The following GRHL2 variants were observed in gnomAD, a reference collection of about 807,000 sequenced individuals.
GRHL2 encodes grainyhead-like protein 2 homolog.
A neutral mutation model predicts 83.8 loss-of-function variants in GRHL2; 21 were observed. The ratio of observed to expected loss-of-function variants is 0.25; its 90% CI spans 0.18 to 0.36. GRHL2 has a LOEUF of 0.36. Ranked by LOEUF, GRHL2 falls within the 10% of genes least tolerant of loss-of-function variation. GRHL2 has a pLI of 1.00. For synonymous variants in GRHL2, 280 were observed against 278.9 expected, an observed-to-expected ratio of 1.00 and a Z score of -0.04; for missense variants, 623 against 781.8, an observed-to-expected ratio of 0.80 and a Z score of 2.42.
Position 101,641,647 on chromosome 8 carries a change from G to A in GRHL2, c.1518-2484G>A, listed in dbSNP as rs199664703. Among the ~76,000 whole-genome samples the A allele has an allele frequency of 5.9e-5, 9 of 152,290 alleles. No homozygotes were observed. The East Asian group carries it at 1.7e-3, about 29-fold the overall frequency. On this transcript the variant is annotated intron_variant, in intron 12 of 15. Transcript: ENST00000646743. ...ATCCTACAAGGTAATGGCTGAATGT[G>A]CTGCCGGGCCTAGAATCATTCTACA...
intron 8 of GRHL2, among the ~76,000 whole-genome samples, chr8:101,604,019 C>CTAAAAAAA (rs1391152533): frequency 1.1e-5 from 1 of 91,800 alleles, no homozygotes; most frequent in African/African-American, 4.0e-5. Flanking sequence ...TTTTTTTTTG[C>CTAAAAAAA]AAAAAAAAAA....
At chr8:101,563,370 A>G (rs1012961945) in intron 4 of GRHL2, among the ~76,000 whole-genome samples, 1 of 151,464 alleles carries the variant, frequency 6.6e-6, no homozygotes, top group Non-Finnish European at 1.5e-5. Context: ...TTTTTTTTTA[A>G]TCTTTCAGGT....
the GRHL2 span, among the ~76,000 whole-genome samples, chr8:101,678,455 G>C: frequency 1.3e-5 from 2 of 152,166 alleles, no homozygotes; most frequent in Non-Finnish European, 1.5e-5. Context: ...CTCGCTGATT[G>C]CTAGCACAGC....
At position 101,662,449 on chromosome 8, in the gene GRHL2, G is replaced by A. The variant is rs79652630; in HGVS notation, c.1699-2005G>A. Among the ~76,000 whole-genome samples the A allele has an allele frequency of 3.8e-3, 580 of 152,300 alleles. 9 individuals are homozygous for A. The East Asian group carries it at 0.057, about 15-fold the overall frequency. Reference sequence around the variant, plus strand: ...GATAGATGGAAGGGTGGGAATCTGTGAGTCTCTGTAGAGTGAACTCTTCTT... The same window carrying A: ...GATAGATGGAAGGGTGGGAATCTGTAAGTCTCTGTAGAGTGAACTCTTCTT... On this transcript the variant is annotated intron_variant, in intron 14 of 15. Coordinates refer to ENST00000646743, the MANE Select transcript of GRHL2 (RefSeq NM_024915.4).
At chr8:101,586,793 C>T (rs977065627) in intron 7 of GRHL2, among the ~76,000 whole-genome samples, 1 of 152,146 alleles carries the variant, frequency 6.6e-6, no homozygotes, top group African/African-American at 2.4e-5. Context: ...CAGGCCTGTG[C>T]CTGGTTCACT....
At chr8:101,636,686 G>A in intron 11 of GRHL2, 1 of 574,580 alleles carries the variant, frequency 1.7e-6, no homozygotes, top group Non-Finnish European at 3.1e-6. Flanking sequence ...TAACCCCATG[G>A]AGATTATAAG....
At chr8:101,637,637 G>A (rs1261971909) in intron 12 of GRHL2, among the ~76,000 whole-genome samples, 1 of 152,176 alleles carries the variant, frequency 6.6e-6, no homozygotes, top group Non-Finnish European at 1.5e-5. Flanking sequence ...CGTAGATCAT[G>A]GTAATAGCTA....
intron 14 of GRHL2, among the ~76,000 whole-genome samples, chr8:101,653,398 T>C (rs1479865585): frequency 6.6e-6 from 1 of 152,156 alleles, no homozygotes; most frequent in Non-Finnish European, 1.5e-5. Flanking sequence ...CTGTCACTGG[T>C]TGAAAATGGC....
At chr8:101,520,308 C>A (rs1009145953) in intron 1 of GRHL2, among the ~76,000 whole-genome samples, 35 of 152,042 alleles carry the variant, frequency 2.3e-4, no homozygotes, top group Non-Finnish European at 1.5e-4. Flanking sequence ...AGACATAATA[C>A]CCACTTGCAC....
At chr8:101,604,820 T>C (rs1248862213) in intron 8 of GRHL2, among the ~76,000 whole-genome samples, 1 of 152,224 alleles carries the variant, frequency 6.6e-6, no homozygotes, top group Non-Finnish European at 1.5e-5. Flanking sequence ...ACTGGCCATC[T>C]CCGATCTTTA....
the GRHL2 span, among the ~76,000 whole-genome samples, chr8:101,680,607 A>G: frequency 3.3e-5 from 4 of 122,104 alleles, no homozygotes; most frequent in Non-Finnish European, 5.0e-5. Context: ...CTCCACCCCA[A>G]ATCAACAGAA....
intron 8 of GRHL2, among the ~76,000 whole-genome samples, chr8:101,612,516 G>GATACATACATACATAC (rs1176645578): frequency 1.6e-4 from 13 of 79,732 alleles, no homozygotes; most frequent in African/African-American, 3.7e-4. Flanking sequence ...TAGATAGATA[G>GATACATACATACATAC]ATAGATACAT....
intron 4 of GRHL2, among the ~76,000 whole-genome samples, chr8:101,570,129 G>T (rs1586105229): frequency 6.6e-6 from 1 of 152,344 alleles, no homozygotes; most frequent in East Asian, 1.9e-4. Context: ...AACATACAAA[G>T]CACAAATGTA....
Position 101,619,726 on chromosome 8 carries a change from G to C in GRHL2, c.1257+29G>C, listed in dbSNP as rs1188439240. 3.2e-6 allele frequency: 5 copies of C among 1,567,188 alleles called. No individual in the cohort carries two copies. In the South Asian group the frequency reaches 5.6e-5, roughly 17 times the overall value. ...AGTAAAGATGACAGTTTTTTATAAA[G>C]GTATCTTTTTTATTAGATATTACTT... On this transcript the variant is annotated intron_variant, in intron 9 of 15. Transcript: ENST00000646743.
At chr8:101,496,683 G>A (rs1001980626) in intron 1 of GRHL2, among the ~76,000 whole-genome samples, 2 of 152,140 alleles carry the variant, frequency 1.3e-5, no homozygotes, top group African/African-American at 2.4e-5. Context: ...CCAGCTGGAG[G>A]GATTGAGAAT....
At position 101,667,012 on chromosome 8, in the gene GRHL2, T is replaced by C; in HGVS notation, c.*309T>C. On this transcript the variant is annotated 3_prime_UTR_variant, in exon 16 of 16. Coordinates refer to ENST00000646743, the MANE Select transcript of GRHL2 (RefSeq NM_024915.4). ...CCGCCAGGACTCTGCAGGTCACTGCTAGCTCCAGATGAGACCGTCCAGCGT... is the reference window on the plus strand; with the variant it reads ...CCGCCAGGACTCTGCAGGTCACTGCCAGCTCCAGATGAGACCGTCCAGCGT... 1 of 487,412 alleles carries C rather than the reference T, an allele frequency of 2.1e-6. No homozygotes were observed. Among genetic ancestry groups the C allele is most frequent in the South Asian group, 2.1e-5 (1 of 47,516 alleles). The allele number at this position is 487,412 out of a possible 1,614,324, so 30.2% of individuals were successfully genotyped here.
In GRHL2 at chr8:101,636,766, CTGT is replaced by C. The variant is rs1410456928; in HGVS notation, c.1486-129_1486-127del. The C allele has an allele frequency of 1.5e-4, 113 of 752,132 alleles. No homozygotes were observed. In the Middle Eastern group the frequency reaches 2.4e-3, roughly 16 times the overall value. The allele number at this position is 752,132 out of a possible 1,614,324, so 46.6% of individuals were successfully genotyped here. On this transcript the variant is annotated intron_variant, in intron 11 of 15. Coordinates refer to ENST00000646743, the MANE Select transcript of GRHL2 (RefSeq NM_024915.4). Reference sequence around the variant, plus strand: ...ACACACACACACACACACACACACACTGTTATTAAACAGATTAGTCTTTTGCCT... The same window carrying C: ...ACACACACACACACACACACACACACTATTAAACAGATTAGTCTTTTGCCT...
At chr8:101,542,557 A>C (rs1209310241) in intron 1 of GRHL2, among the ~76,000 whole-genome samples, 1 of 36,164 alleles carries the variant, frequency 2.8e-5, no homozygotes, top group Non-Finnish European at 8.0e-5. Flanking sequence ...CCGTCTCAGA[A>C]AAAAAAAAAA....
intron 6 of GRHL2, among the ~76,000 whole-genome samples, chr8:101,574,324 G>A (rs1183129363): frequency 2.0e-5 from 3 of 152,162 alleles, no homozygotes; most frequent in Non-Finnish European, 4.4e-5. Context: ...GTCACTTGGG[G>A]GAGTTTTCAG....
Sources: gnomAD v4.1 joint callset for allele counts (sites outside exome capture counted in the v4.1 genomes callset) on GRCh38, gnomAD v4.1.1 for gene constraint, MANE v1.5 for transcripts, NCBI Gene and HGNC (gene_info 2026-07-23, HGNC 2026-07-21) for gene names.